Variants in LRRTM4 observed in about 807,000 individuals in gnomAD.
LRRTM4 encodes the protein leucine-rich repeat transmembrane neuronal protein 4.
A neutral mutation model predicts 47.6 loss-of-function variants in LRRTM4; 25 were observed. The ratio of observed to expected loss-of-function variants is 0.53; its 90% CI spans 0.38 to 0.73. The LOEUF (loss-of-function observed/expected upper bound fraction) is 0.73. Ranked by LOEUF, LRRTM4 falls within the 30% of genes least tolerant of loss-of-function variation. The pLI, the probability that LRRTM4 is intolerant of heterozygous loss-of-function variation, is 0.00. For synonymous variants in LRRTM4, 311 were observed against 269.5 expected (o/e 1.15, Z -1.51); for missense variants, 638 against 713.4 (o/e 0.89, Z 1.20).
chr2:77,396,308 AAC>A (rs1291349506), intron 3 of LRRTM4, among the ~76,000 whole-genome samples: 2 of 151,896 alleles, frequency 1.3e-5, no homozygotes, highest in African/African-American at 4.8e-5. Flanking sequence ...CGCTGAACTC[AAC>A]AGACATTGTT....
At chr2:76,845,406 T>G (rs1023488749) in intron 3 of LRRTM4, among the ~76,000 whole-genome samples, 5 of 152,158 alleles carry the variant, frequency 3.3e-5, no homozygotes, top group African/African-American at 1.2e-4. Flanking sequence ...GCACAAGAAT[T>G]GGATGAATCC....
In LRRTM4 at chr2:76,797,313, A is replaced by G. The variant is rs190532835; in HGVS notation, c.1552-48397T>C. 3.9e-5 allele frequency among the ~76,000 whole-genome samples: 6 copies of G among 152,228 alleles called. No individual in the cohort carries two copies. In the South Asian group the frequency reaches 6.2e-4, roughly 16 times the overall value. On this transcript the variant is annotated intron_variant, in intron 3 of 3. Transcript: ENST00000409884. ...AGAAGAGAGTGGGGGCCAATATTCA[A>G]CATTCTTAAAGAAAAGAATTTTCAA...
chr2:77,444,124 A>G (rs1173086029), intron 3 of LRRTM4, among the ~76,000 whole-genome samples: 1 of 152,118 alleles, frequency 6.6e-6, no homozygotes, highest in Non-Finnish European at 1.5e-5. Flanking sequence ...AAATTCAGGA[A>G]TTCTTAGGAA....
intron 3 of LRRTM4, among the ~76,000 whole-genome samples, chr2:77,090,265 A>G (rs1391425233): frequency 6.6e-6 from 1 of 152,062 alleles, no homozygotes; most frequent in Non-Finnish European, 1.5e-5. Flanking sequence ...CTTTTTCTTT[A>G]TCCCAAATCA....
At chr2:77,136,213 T>A (rs976042601) in intron 3 of LRRTM4, among the ~76,000 whole-genome samples, 7 of 152,284 alleles carry the variant, frequency 4.6e-5, no homozygotes, top group African/African-American at 1.7e-4. Context: ...GTAGCCTAAC[T>A]GGGAGGCACC....
At chr2:76,784,913 C>G (rs952877292) in intron 3 of LRRTM4, among the ~76,000 whole-genome samples, 12 of 152,086 alleles carry the variant, frequency 7.9e-5, no homozygotes, top group Admixed American at 6.5e-5. Context: ...AAAATTAATT[C>G]AGTTCGAATA....
At chr2:77,172,607 A>AT (rs1673080877) in intron 3 of LRRTM4, among the ~76,000 whole-genome samples, 1 of 152,012 alleles carries the variant, frequency 6.6e-6, no homozygotes, top group South Asian at 2.1e-4. Flanking sequence ...ACATAAAAAA[A>AT]AAAATAAAAA....
intron 3 of LRRTM4, among the ~76,000 whole-genome samples, chr2:76,753,089 A>C (rs1672905873): frequency 6.6e-6 from 1 of 152,174 alleles, no homozygotes; most frequent in Admixed American, 6.5e-5. Flanking sequence ...GAGCACTTTA[A>C]CATAAATCAC....
At chr2:77,036,579 T>G (rs926343000) in intron 3 of LRRTM4, among the ~76,000 whole-genome samples, 10 of 151,718 alleles carry the variant, frequency 6.6e-5, no homozygotes, top group African/African-American at 2.2e-4. Flanking sequence ...AATGTTTCAG[T>G]TTTTCTTTTT....
At chr2:77,418,897 C>A (rs1419180629) in intron 3 of LRRTM4, among the ~76,000 whole-genome samples, 1 of 152,190 alleles carries the variant, frequency 6.6e-6, no homozygotes, top group Non-Finnish European at 1.5e-5. Context: ...TTACAGGCTT[C>A]CACTATACAA....
intron 3 of LRRTM4, among the ~76,000 whole-genome samples, chr2:76,907,274 A>C (rs1278871391): frequency 2.1e-5 from 1 of 48,738 alleles, no homozygotes; most frequent in African/African-American, 8.6e-5. Context: ...AGGCAGAAAT[A>C]AAGATGTTCT....
At chr2:77,070,683 G>A (rs1050948517) in intron 3 of LRRTM4, among the ~76,000 whole-genome samples, 3 of 152,108 alleles carry the variant, frequency 2.0e-5, no homozygotes, top group Non-Finnish European at 4.4e-5. Flanking sequence ...CAGGCTAGAG[G>A]GCAATGGCAT....
intron 3 of LRRTM4, among the ~76,000 whole-genome samples, chr2:76,780,776 A>T: frequency 6.6e-6 from 1 of 151,658 alleles, no homozygotes; most frequent in Non-Finnish European, 1.5e-5. Flanking sequence ...GTCATTCTCC[A>T]TCCAGCTTTG....
At chr2:77,463,334 G>A (rs989086990) in intron 3 of LRRTM4, among the ~76,000 whole-genome samples, 3 of 152,064 alleles carry the variant, frequency 2.0e-5, no homozygotes, top group African/African-American at 7.2e-5. Context: ...GCACATGATT[G>A]TAAATAACAA....
At chr2:76,862,600 C>A (rs186824510) in intron 3 of LRRTM4, among the ~76,000 whole-genome samples, 34 of 152,190 alleles carry the variant, frequency 2.2e-4, no homozygotes, top group Admixed American at 2.2e-3. Flanking sequence ...GAAGGTTGCG[C>A]TTTGAGGAGG....
At chr2:76,886,909 T>G (rs532136642) in intron 3 of LRRTM4, among the ~76,000 whole-genome samples, 6 of 152,006 alleles carry the variant, frequency 3.9e-5, no homozygotes, top group Non-Finnish European at 8.8e-5. Flanking sequence ...CGACTATTGA[T>G]TCAACCAAAA....
chr2:77,504,208 T>C (rs912600221), intron 3 of LRRTM4, among the ~76,000 whole-genome samples: 2 of 146,620 alleles, frequency 1.4e-5, no homozygotes, highest in Non-Finnish European at 1.5e-5. Context: ...ACTGCCACCA[T>C]TTTTTTTGTA....
chr2:77,462,114 T>G (rs1176943075), intron 3 of LRRTM4, among the ~76,000 whole-genome samples: 1 of 152,084 alleles, frequency 6.6e-6, no homozygotes, highest in Non-Finnish European at 1.5e-5. Flanking sequence ...AAATGCTCCA[T>G]ATACTTTGTT....
intron 3 of LRRTM4, among the ~76,000 whole-genome samples, chr2:77,048,847 A>G (rs1420931377): frequency 2.0e-5 from 3 of 151,548 alleles, no homozygotes; most frequent in African/African-American, 4.8e-5. Context: ...ATAGTGCTAT[A>G]GAACACTAGA....
Sources: gnomAD v4.1 joint callset for allele counts (sites outside exome capture counted in the v4.1 genomes callset) on GRCh38, gnomAD v4.1.1 for gene constraint, MANE v1.5 for transcripts, NCBI Gene and HGNC (gene_info 2026-07-23, HGNC 2026-07-21) for gene names.